The following THSD4 variants were observed in gnomAD, a reference collection of about 807,000 sequenced individuals.
THSD4 encodes the protein thrombospondin type-1 domain-containing protein 4.
Under a neutral mutation model 119.0 loss-of-function variants are expected in THSD4, and 69 were observed. The ratio of observed to expected loss-of-function variants is 0.58; its 90% CI spans 0.48 to 0.71. The LOEUF (loss-of-function observed/expected upper bound fraction) is 0.71, where lower values mean the gene tolerates loss of function less well. THSD4 is among the 30% of genes least tolerant of loss of function. The probability of loss-of-function intolerance (pLI) is 0.00; values close to 1 mark genes in which losing one functional copy is unlikely to be tolerated. For missense variants in THSD4, 1,393 were observed against 1,391.1 expected (o/e 1.00, Z -0.02); for synonymous variants, 524 against 540.4 (o/e 0.97, Z 0.42).
At position 71,470,944 on chromosome 15, in the gene THSD4, A is replaced by T. The variant is rs12437626; in HGVS notation, c.1152+59121A>T. Among the ~76,000 whole-genome samples the T allele has an allele frequency of 3.1e-3, 471 of 152,354 alleles. 7 individuals are homozygous for T. The highest frequency in any genetic ancestry group is 0.025 in the Admixed American group (376 of 15,308). On this transcript the variant is annotated intron_variant, in intron 7 of 17. Coordinates refer to ENST00000261862, the MANE Select transcript of THSD4 (RefSeq NM_024817.3). ...GCCACCGCGCCCGGCCTGAGTGAGGATTTTAAACTCATATATAGTTTGAAA... is the reference window on the plus strand; with the variant it reads ...GCCACCGCGCCCGGCCTGAGTGAGGTTTTTAAACTCATATATAGTTTGAAA...
chr15:71,216,036 TA>T (rs145209653), intron 4 of THSD4, among the ~76,000 whole-genome samples: 23,028 of 152,206 alleles, frequency 0.15, 1,956 homozygotes, highest in Middle Eastern at 0.27. Flanking sequence ...CTAAGAAGCA[TA>T]AATATGCCAA....
intron 6 of THSD4, among the ~76,000 whole-genome samples, chr15:71,302,915 G>C (rs980764551): frequency 1.2e-4 from 18 of 152,064 alleles, no homozygotes; most frequent in African/African-American, 4.1e-4. Context: ...GGAGGGTCTT[G>C]CAGTCATCTA....
chr15:71,156,287 C>T (rs1326667166), intron 3 of THSD4, among the ~76,000 whole-genome samples: 3 of 148,052 alleles, frequency 2.0e-5, no homozygotes, highest in East Asian at 4.0e-4. Context: ...GATGGAGTTT[C>T]GCTCTTGTCA....
intron 6 of THSD4, among the ~76,000 whole-genome samples, chr15:71,345,020 G>T (rs1400799685): frequency 6.6e-6 from 1 of 152,088 alleles, no homozygotes; most frequent in Non-Finnish European, 1.5e-5. Flanking sequence ...GGGGGCGAAA[G>T]AGTCACAGAG....
chr15:71,396,570 C>T (rs1212927740), intron 6 of THSD4, among the ~76,000 whole-genome samples: 3 of 152,142 alleles, frequency 2.0e-5, no homozygotes, highest in South Asian at 2.1e-4. Context: ...CTGGAGGATA[C>T]GTATCTATTC....
chr15:71,706,177 C>CA, intron 8 of THSD4, among the ~76,000 whole-genome samples: 1 of 152,256 alleles, frequency 6.6e-6, no homozygotes, highest in Non-Finnish European at 1.5e-5. Flanking sequence ...GTGTGGGCAC[C>CA]AACCTGGGGT....
intron 6 of THSD4, among the ~76,000 whole-genome samples, chr15:71,315,215 T>A (rs537202874): frequency 1.8e-4 from 27 of 152,366 alleles, no homozygotes; most frequent in African/African-American, 6.5e-4. Context: ...CTCTGGCTGA[T>A]ATACCTGCAT....
chr15:71,270,836 T>C (rs2044520329), intron 6 of THSD4, among the ~76,000 whole-genome samples: 1 of 47,084 alleles, frequency 2.1e-5, no homozygotes, highest in Non-Finnish European at 4.9e-5. Flanking sequence ...TCTCTCTTTT[T>C]TTTTTTTTTA....
chr15:71,287,915 T>C (rs1159865640), intron 6 of THSD4, among the ~76,000 whole-genome samples: 1 of 152,228 alleles, frequency 6.6e-6, no homozygotes, highest in Non-Finnish European at 1.5e-5. Context: ...TGAGAGCTAA[T>C]ACACTCCCTC....
chr15:71,733,711 G>C (rs1567125608), intron 10 of THSD4: 1 of 151,960 alleles, frequency 6.6e-6, no homozygotes, highest in Non-Finnish European at 1.5e-5. Flanking sequence ...CTTGAGCCCA[G>C]GAGTTCGAGA....
intron 6 of THSD4, among the ~76,000 whole-genome samples, chr15:71,358,358 G>C (rs990779477): frequency 1.3e-5 from 2 of 152,190 alleles, no homozygotes; most frequent in Non-Finnish European, 2.9e-5. Context: ...GTGACTGTTA[G>C]TAACTGTATT....
chr15:71,479,494 AAAG>A (rs1169792716), intron 7 of THSD4, among the ~76,000 whole-genome samples: 4 of 152,196 alleles, frequency 2.6e-5, no homozygotes, highest in Non-Finnish European at 5.9e-5. Context: ...GAGAGGCAGG[AAAG>A]AAGGTTAACT....
intron 6 of THSD4, among the ~76,000 whole-genome samples, chr15:71,346,370 A>G (rs896254505): frequency 6.6e-6 from 1 of 152,306 alleles, no homozygotes; most frequent in Middle Eastern, 3.4e-3. Context: ...TTATTCAGCC[A>G]TTTATTGGTG....
chr15:71,745,500 A>G (rs1055747051), intron 12 of THSD4, among the ~76,000 whole-genome samples: 8 of 152,174 alleles, frequency 5.3e-5, no homozygotes, highest in Admixed American at 1.3e-4. Flanking sequence ...TGGTAAGGAA[A>G]ACAAAGGAGG....
chr15:71,547,061 A>C (rs1295114212), intron 7 of THSD4, among the ~76,000 whole-genome samples: 1 of 152,106 alleles, frequency 6.6e-6, no homozygotes, highest in Non-Finnish European at 1.5e-5. Flanking sequence ...TGGCGTGCTT[A>C]CCTTGGAACC....
intron 6 of THSD4, among the ~76,000 whole-genome samples, chr15:71,408,521 C>A (rs2046638227): frequency 6.6e-6 from 1 of 152,152 alleles, no homozygotes; most frequent in Admixed American, 6.5e-5. Flanking sequence ...ACATGAGCCA[C>A]TGTGCCCGGC....
At chr15:71,457,156 A>G (rs995478154) in intron 7 of THSD4, among the ~76,000 whole-genome samples, 3 of 152,122 alleles carry the variant, frequency 2.0e-5, no homozygotes, top group Admixed American at 2.0e-4. Flanking sequence ...TGAGGCAGGC[A>G]GATCGCTCTG....
chr15:71,657,713 A>G (rs2051218941), intron 7 of THSD4, among the ~76,000 whole-genome samples: 2 of 152,092 alleles, frequency 1.3e-5, no homozygotes, highest in South Asian at 4.1e-4. Flanking sequence ...CGCATGCTTC[A>G]CTGAAACCAA....
intron 6 of THSD4, among the ~76,000 whole-genome samples, chr15:71,376,431 T>C (rs1181534145): frequency 6.6e-6 from 1 of 152,200 alleles, no homozygotes; most frequent in Non-Finnish European, 1.5e-5. Flanking sequence ...ACCACCACTC[T>C]TCTGGGTCTT....
Sources: gnomAD v4.1 joint callset for allele counts (sites outside exome capture counted in the v4.1 genomes callset) on GRCh38, gnomAD v4.1.1 for gene constraint, MANE v1.5 for transcripts, NCBI Gene and HGNC (gene_info 2026-07-23, HGNC 2026-07-21) for gene names.